KCNH1: variants seen among roughly 807,000 people sequenced by gnomAD.
The protein encoded by KCNH1 is potassium voltage-gated channel subfamily H member 1, also known as voltage-gated delayed rectifier potassium channel KCNH1.
Under a neutral mutation model 69.2 loss-of-function variants are expected in KCNH1, and 27 were observed. The ratio of observed to expected loss-of-function variants is 0.39; its 90% CI spans 0.29 to 0.54. The LOEUF (loss-of-function observed/expected upper bound fraction) is 0.54. Ranked by LOEUF, KCNH1 falls within the 20% of genes least tolerant of loss-of-function variation. The probability of loss-of-function intolerance (pLI) is 0.68; values close to 1 mark genes in which losing one functional copy is unlikely to be tolerated. For missense variants in KCNH1, 798 were observed against 1,261.6 expected (o/e 0.63, Z 5.57); for synonymous variants, 456 against 487.7 (o/e 0.93, Z 0.86).
chr1:210,800,120 G>C (rs1684400710), intron 8 of KCNH1, among the ~76,000 whole-genome samples: 1 of 152,234 alleles, frequency 6.6e-6, no homozygotes, highest in Non-Finnish European at 1.5e-5. Flanking sequence ...CTGCATTCTT[G>C]ATCTGGGGTT....
At chr1:210,721,457 G>A (rs2149026746) in intron 10 of KCNH1, among the ~76,000 whole-genome samples, 1 of 152,306 alleles carries the variant, frequency 6.6e-6, no homozygotes, top group East Asian at 1.9e-4. Flanking sequence ...ATTTTCTTTT[G>A]AGGTATTTTT....
chr1:210,898,031 T>C (rs1686908412), intron 7 of KCNH1, among the ~76,000 whole-genome samples: 1 of 152,210 alleles, frequency 6.6e-6, no homozygotes, highest in African/African-American at 2.4e-5. Flanking sequence ...CTTAGTCTAA[T>C]GCCTTTCTAA....
chr1:210,766,548 G>A (rs145933457), intron 10 of KCNH1, among the ~76,000 whole-genome samples: 1 of 152,240 alleles, frequency 6.6e-6, no homozygotes, highest in African/African-American at 2.4e-5. Flanking sequence ...AGTATAATGA[G>A]AGCTACAAAG....
chr1:211,095,573 T>G (rs1691133383), intron 3 of KCNH1, among the ~76,000 whole-genome samples: 1 of 152,156 alleles, frequency 6.6e-6, no homozygotes, highest in Non-Finnish European at 1.5e-5. Flanking sequence ...ACGAGAGAAT[T>G]TTTGGCCTCC....
At chr1:210,972,457 C>T (rs1289378391) in intron 6 of KCNH1, among the ~76,000 whole-genome samples, 1 of 152,006 alleles carries the variant, frequency 6.6e-6, no homozygotes, top group Non-Finnish European at 1.5e-5. Context: ...ATTTCAGTTG[C>T]CCTAAAGTTC....
chr1:211,086,000 C>A (rs150537926), intron 4 of KCNH1, among the ~76,000 whole-genome samples: 7 of 152,180 alleles, frequency 4.6e-5, no homozygotes, highest in Non-Finnish European at 8.8e-5. Context: ...TGAACCCCCA[C>A]TTGCTTTAGG....
At chr1:211,100,203 C>G (rs1347313448) in intron 3 of KCNH1, among the ~76,000 whole-genome samples, 1 of 152,014 alleles carries the variant, frequency 6.6e-6, no homozygotes, top group Non-Finnish European at 1.5e-5. Flanking sequence ...ACATACTTAC[C>G]CTGCTTAAAA....
At chr1:210,804,870 T>C (rs1326913525) in intron 7 of KCNH1, among the ~76,000 whole-genome samples, 1 of 152,112 alleles carries the variant, frequency 6.6e-6, no homozygotes, top group Non-Finnish European at 1.5e-5. Context: ...TTTAATATGG[T>C]AAGAATAAAA....
chr1:210,852,711 C>T (rs1208182300), intron 7 of KCNH1, among the ~76,000 whole-genome samples: 2 of 152,180 alleles, frequency 1.3e-5, no homozygotes, highest in Non-Finnish European at 2.9e-5. Context: ...ACAATATATG[C>T]TTCTAAAGCC....
intron 7 of KCNH1, among the ~76,000 whole-genome samples, chr1:210,875,571 G>A (rs1284064706): frequency 6.6e-6 from 1 of 152,198 alleles, no homozygotes; most frequent in East Asian, 1.9e-4. Flanking sequence ...GGGAGGCCAA[G>A]GCGGGCGGAT....
chr1:210,828,244 A>T (rs1018047226), intron 7 of KCNH1, among the ~76,000 whole-genome samples: 7 of 152,186 alleles, frequency 4.6e-5, no homozygotes, highest in Non-Finnish European at 8.8e-5. Flanking sequence ...GGAACTCAAT[A>T]AATGATAGTA....
At position 210,683,923 on chromosome 1, in the gene KCNH1, G is replaced by A. The variant is rs747709341; in HGVS notation, c.2328C>T (p.Ala776=). 6 of 1,612,528 alleles carry A rather than the reference G, an allele frequency of 3.7e-6. No homozygotes were observed. In the South Asian group the frequency reaches 5.5e-5, roughly 15 times the overall value. Residue 776 remains alanine (A), a synonymous_variant, in exon 11 of 11, where the codon GCC becomes GCT. Transcript: ENST00000271751. This position sits in a 1 kb window ranked among gnomAD's most constrained non-coding sequence, Gnocchi z 5.7. ...CCTTCACGAGGCTGTGGTTGGCGGA[G>A]GCATGCTCTGTAAGGACATTGCCCT... ...VEKGNVLTEH[A]SANHSLVKAS...
intron 10 of KCNH1, among the ~76,000 whole-genome samples, chr1:210,696,872 T>TA (rs1228771286): frequency 1.3e-5 from 2 of 152,248 alleles, no homozygotes; most frequent in Admixed American, 1.3e-4. Context: ...ATCTTAGAAG[T>TA]ACTGTCTTTT....
At chr1:210,902,495 G>A (rs1175893182) in intron 7 of KCNH1, among the ~76,000 whole-genome samples, 1 of 152,216 alleles carries the variant, frequency 6.6e-6, no homozygotes, top group Non-Finnish European at 1.5e-5. Flanking sequence ...GAGGCTAAAA[G>A]GGAAGTCTTG....
chr1:211,004,617 G>C (rs541238887), intron 6 of KCNH1, among the ~76,000 whole-genome samples: 17 of 152,078 alleles, frequency 1.1e-4, no homozygotes, highest in Admixed American at 2.6e-4. Context: ...AAACAACTAA[G>C]AGCAAATAGC....
chr1:210,720,969 A>G (rs1454691284), intron 10 of KCNH1, among the ~76,000 whole-genome samples: 1 of 152,086 alleles, frequency 6.6e-6, no homozygotes, highest in Admixed American at 6.6e-5. Context: ...TTCTTTTATA[A>G]CTTTAGCAAC....
chr1:211,123,272 A>G (rs375537362), intron 1 of KCNH1, among the ~76,000 whole-genome samples: 95 of 152,370 alleles, frequency 6.2e-4, no homozygotes, highest in African/African-American at 2.2e-3. Flanking sequence ...GGCTGGGCCA[A>G]TAAGATTCTC....
intron 10 of KCNH1, among the ~76,000 whole-genome samples, chr1:210,711,420 G>C (rs1049728428): frequency 9.2e-5 from 14 of 152,228 alleles, no homozygotes; most frequent in Non-Finnish European, 2.1e-4. Context: ...GGGAAGGTTA[G>C]CCTTAGCCCG....
intron 6 of KCNH1, among the ~76,000 whole-genome samples, chr1:210,932,888 A>G (rs1247947626): frequency 6.6e-6 from 1 of 152,230 alleles, no homozygotes; most frequent in Admixed American, 6.5e-5. Flanking sequence ...AAAGGAAAAG[A>G]TAGACCCCAA....
Sources: gnomAD v4.1 joint callset for allele counts (sites outside exome capture counted in the v4.1 genomes callset) on GRCh38, gnomAD v4.1.1 for gene constraint, Gnocchi (gnomAD v3.1) non-coding constraint, MANE v1.5 for transcripts, NCBI Gene and HGNC (gene_info 2026-07-23, HGNC 2026-07-21) for gene names.